The following DHX8 variants were observed in gnomAD, a reference collection of about 807,000 sequenced individuals.
DHX8 encodes the protein ATP-dependent RNA helicase DHX8.
A neutral mutation model predicts 140.7 loss-of-function variants in DHX8; 67 were observed. The ratio of observed to expected loss-of-function variants is 0.48; its 90% CI spans 0.39 to 0.58. The LOEUF is 0.58. Among genes scored for constraint, DHX8 ranks in the 20% least tolerant of loss-of-function variants. DHX8 has a pLI of 0.00. For missense variants in DHX8, 887 were observed against 1,550.7 expected (o/e 0.57, Z 7.19); for synonymous variants, 533 against 553.2 (o/e 0.96, Z 0.51).
At chr17:43,537,851 G>A (rs1427343339) in intron 3 of DHX8, among the ~76,000 whole-genome samples, 21 of 151,970 alleles carry the variant, frequency 1.4e-4, no homozygotes, top group Non-Finnish European at 2.4e-4. Flanking sequence ...AAATTAGGCC[G>A]GGCGCGGTGG....
downstream of DHX8, chr17:43,544,464 T>G (rs1298563666): frequency 6.5e-6 from 1 of 153,306 alleles, no homozygotes; most frequent in Non-Finnish European, 1.5e-5. Context: ...TTTAAACTTT[T>G]GTTGTTCTTT....
rs369913743 is a variant in DHX8, at chr17:43,532,573, TG to T, written c.351-3838del. The T allele has an allele frequency of 7.0e-4, 743 of 1,054,608 alleles. 3 individuals carry two copies. In the East Asian group the frequency reaches 0.017, roughly 25 times the overall value. 65.3% of individuals were successfully genotyped at this position (1,054,608 alleles called of 1,614,324 possible). ...AAAAAAAGTGGGTGGGTGGGTTGGATGTATGAAATGGTAAACAGCAATGTAA... is the reference window on the plus strand; with the variant it reads ...AAAAAAAGTGGGTGGGTGGGTTGGATTATGAAATGGTAAACAGCAATGTAA... On this transcript the variant is annotated intron_variant, in intron 2 of 3. Coordinates refer to the DHX8 transcript ENST00000589898.
rs9907819 is a variant in DHX8, at chr17:43,525,497, T to C, written c.*1650T>C. 238,098 of 985,106 alleles carry C rather than the reference T, an allele frequency of 0.24. 29,150 individuals carry two copies. Among genetic ancestry groups the C allele is most frequent in the East Asian group, 0.32 (2,833 of 8,770 alleles). 61.0% of individuals were successfully genotyped at this position (985,106 alleles called of 1,614,324 possible). The stretch of plus-strand genomic sequence containing the variant: ...CTGATTCTGTCTGAGTATTCGCCTT[T>C]GTAAGCCCAGGCCAGTAATCAAGGG... On this transcript the variant is annotated 3_prime_UTR_variant, in exon 23 of 23. Coordinates refer to ENST00000262415, the MANE Select transcript of DHX8 (RefSeq NM_004941.3).
chr17:43,486,934 T>C (rs1968192958), intron 1 of DHX8, among the ~76,000 whole-genome samples: 1 of 151,698 alleles, frequency 6.6e-6, no homozygotes, highest in African/African-American at 2.4e-5. Flanking sequence ...TTCAGACTGC[T>C]TTGGGAGGGG....
downstream of DHX8, chr17:43,528,632 C>T (rs188176311): frequency 9.2e-5 from 148 of 1,614,190 alleles, 1 homozygote; most frequent in East Asian, 3.3e-3. Flanking sequence ...TCCTCACTGA[C>T]AGGCCGGTCA....
chr17:43,533,154 G>C (rs749920837), intron 2 of DHX8: 5 of 1,608,600 alleles, frequency 3.1e-6, no homozygotes, highest in Non-Finnish European at 4.3e-6. Flanking sequence ...AAACACCTGG[G>C]CCCATGAGCA....
intron 8 of DHX8, among the ~76,000 whole-genome samples, chr17:43,495,184 T>TA: frequency 6.6e-6 from 1 of 152,308 alleles, no homozygotes; most frequent in African/African-American, 2.4e-5. Flanking sequence ...GCTAGGGCTA[T>TA]AAACGCGAAT....
chr17:43,533,082 C>G, intron 2 of DHX8: 36 of 1,510,578 alleles, frequency 2.4e-5, no homozygotes, highest in Non-Finnish European at 3.2e-5. Flanking sequence ...TTCTATTCCA[C>G]TGCCCCCTGC....
At chr17:43,533,150 C>T in intron 2 of DHX8, 1 of 1,607,102 alleles carries the variant, frequency 6.2e-7, no homozygotes. Flanking sequence ...GAAAAAACAC[C>T]TGGGCCCATG....
chr17:43,490,561 A>G, intron 3 of DHX8, 98 bp downstream of exon 3: 5 of 1,007,192 alleles, frequency 5.0e-6, no homozygotes, highest in Non-Finnish European at 7.4e-6. Context: ...TTGCTGAGCA[A>G]GTAAATGTTC....
rs1253675684 is a variant in DHX8 at position 43,519,797 on chromosome 17, T to C, written c.2800-333T>C. 11 of 193,010 alleles carry C rather than the reference T, an allele frequency of 5.7e-5. No homozygotes were observed. In the East Asian group the frequency reaches 1.7e-3, roughly 30 times the overall value. 12.0% of individuals were successfully genotyped at this position (193,010 alleles called of 1,614,324 possible). On this transcript the variant is annotated intron_variant, in intron 18 of 22. Coordinates refer to ENST00000262415, the MANE Select transcript of DHX8 (RefSeq NM_004941.3). ...CTCTACTGAAAATACAAAAATTAGCTGGGCATGATGGCGGGTGCCTATAAT... is the reference window on the plus strand; with the variant it reads ...CTCTACTGAAAATACAAAAATTAGCCGGGCATGATGGCGGGTGCCTATAAT...
chr17:43,506,417 G>C lies in DHX8; in HGVS notation c.1729-586G>C, dbSNP rs188165960. 8.0e-3 allele frequency among the ~76,000 whole-genome samples: 1,216 copies of C among 151,770 alleles called. 68 individuals are homozygous for C. Among genetic ancestry groups the C allele is most frequent in the Admixed American group, 0.073 (1,111 of 15,260 alleles). ...GCGGATCACCTGAGGTCAGGAGTTC[G>C]AGACCAGCCTGGCCAACATGGTGAA... On this transcript the variant is annotated intron_variant, in intron 12 of 22. Transcript: ENST00000262415.
intron 2 of DHX8, chr17:43,533,463 G>A (rs2154587117): frequency 1.9e-6 from 2 of 1,040,070 alleles, no homozygotes; most frequent in South Asian, 3.3e-5. Flanking sequence ...AAGGATAGAG[G>A]GGGCTGAGAA....
chr17:43,517,608 A>G (rs1970175669), intron 18 of DHX8: 1 of 348,040 alleles, frequency 2.9e-6, no homozygotes, highest in African/African-American at 2.1e-5. Context: ...AATTAGAAAA[A>G]TATAATCAAT....
downstream of DHX8, chr17:43,530,462 G>C: frequency 7.5e-7 from 1 of 1,340,402 alleles, no homozygotes; most frequent in Non-Finnish European, 9.6e-7. Flanking sequence ...AGCTGCCAGG[G>C]AGCAGCTGTT....
intron 1 of DHX8, among the ~76,000 whole-genome samples, chr17:43,485,003 C>A (rs1342041446): frequency 6.6e-6 from 1 of 152,122 alleles, no homozygotes; most frequent in African/African-American, 2.4e-5. Context: ...GGAGCCGAAA[C>A]TGAGGAATTA....
intron 17 of DHX8, among the ~76,000 whole-genome samples, chr17:43,515,443 T>C (rs541179742): frequency 9.4e-4 from 143 of 152,340 alleles, no homozygotes; most frequent in African/African-American, 3.4e-3. Context: ...CGCCTCAGCC[T>C]TCCAAAGTGC....
chr17:43,524,562 C>A lies in DHX8; in HGVS notation c.*715C>A. 1.0e-6 allele frequency: 1 copy of A among 986,066 alleles called. No homozygotes were observed. Among genetic ancestry groups the A allele is most frequent in the Non-Finnish European group, 1.2e-6 (1 of 830,536 alleles). 61.1% of individuals were successfully genotyped at this position (986,066 alleles called of 1,614,324 possible). ...GGGATCACCCGATGATCAACCATGT[C>A]CTCTCCACAGAGCACTTCAGTCTGG... is the stretch of plus-strand genomic sequence containing the variant. On this transcript the variant is annotated 3_prime_UTR_variant, in exon 23 of 23. Coordinates refer to ENST00000262415, the MANE Select transcript of DHX8 (RefSeq NM_004941.3).
downstream of DHX8, chr17:43,529,273 T>C (rs773299862): frequency 5.0e-6 from 8 of 1,597,986 alleles, no homozygotes; most frequent in Non-Finnish European, 6.9e-6. Flanking sequence ...AGATGCTACC[T>C]TGGCAGAGGA....
Sources: gnomAD v4.1 joint callset for allele counts (sites outside exome capture counted in the v4.1 genomes callset) on GRCh38, gnomAD v4.1.1 for gene constraint, MANE v1.5 for transcripts, NCBI Gene and HGNC (gene_info 2026-07-23, HGNC 2026-07-21) for gene names.